Variants in PREX1 observed in about 807,000 individuals in gnomAD.
The protein encoded by PREX1 is phosphatidylinositol-3,4,5-trisphosphate dependent Rac exchange factor 1, also known as phosphatidylinositol 3,4,5-trisphosphate-dependent Rac exchanger 1 protein.
PREX1 carries 41 observed loss-of-function variants against 198.3 expected under a neutral mutation model. The ratio of observed to expected loss-of-function variants is 0.21; its 90% CI spans 0.16 to 0.27. PREX1 has a LOEUF of 0.27. Ranked by LOEUF, PREX1 falls within the 10% of genes least tolerant of loss-of-function variation. The pLI is 1.00. For missense variants in PREX1, 1,620 were observed against 2,200.7 expected (o/e 0.74, Z 5.28); for synonymous variants, 843 against 887.2 (o/e 0.95, Z 0.89).
intron 1 of PREX1, among the ~76,000 whole-genome samples, chr20:48,813,683 GA>G (rs1397013721): frequency 1.3e-5 from 2 of 152,188 alleles, no homozygotes; most frequent in African/African-American, 4.8e-5. Context: ...AGGAAAGGGA[GA>G]GGGGGAGCGA....
At chr20:48,760,356 C>T (rs1339908493) in intron 1 of PREX1, among the ~76,000 whole-genome samples, 4 of 151,954 alleles carry the variant, frequency 2.6e-5, no homozygotes, top group Non-Finnish European at 4.4e-5. Context: ...TTATAGACTG[C>T]CTGCTTCCGA....
the PREX1 span, among the ~76,000 whole-genome samples, chr20:48,864,481 C>T: frequency 9.2e-5 from 14 of 152,178 alleles, no homozygotes; most frequent in Admixed American, 2.0e-4. Context: ...TACTTTATGA[C>T]ATTTGGTCTT....
At chr20:48,631,045 C>T (rs1294218573) in intron 35 of PREX1, among the ~76,000 whole-genome samples, 1 of 152,186 alleles carries the variant, frequency 6.6e-6, no homozygotes, top group East Asian at 1.9e-4. Context: ...CAGCAGCCCC[C>T]AGCCCTCTGC....
chr20:48,643,546 C>T (rs1601037913), intron 27 of PREX1, among the ~76,000 whole-genome samples: 1 of 152,168 alleles, frequency 6.6e-6, no homozygotes, highest in African/African-American at 2.4e-5. Context: ...GTCTATCCAT[C>T]CATCCACCCA....
At chr20:48,829,243 A>G (rs2090529165), upstream of PREX1, among the ~76,000 whole-genome samples, 1 of 152,178 alleles carries the variant, frequency 6.6e-6, no homozygotes, top group Admixed American at 6.5e-5. Context: ...CCCACTCTCA[A>G]ATGGCCCATA....
intron 32 of PREX1, among the ~76,000 whole-genome samples, chr20:48,635,959 C>T (rs1341231206): frequency 6.6e-6 from 1 of 152,208 alleles, no homozygotes; most frequent in African/African-American, 2.4e-5. Flanking sequence ...TCTTGTGCAG[C>T]AGCAGCCAGC....
upstream of PREX1, among the ~76,000 whole-genome samples, chr20:48,832,682 A>T (rs1461676279): frequency 6.6e-6 from 1 of 152,130 alleles, no homozygotes; most frequent in Non-Finnish European, 1.5e-5. Context: ...TTCCCACCAA[A>T]ATATAATCGT....
At chr20:48,690,920 G>A (rs1408952439) in intron 9 of PREX1, 27 bp downstream of exon 9, 1 of 1,612,610 alleles carries the variant, frequency 6.2e-7, no homozygotes, top group African/African-American at 1.3e-5. Context: ...AGGGATCCCA[G>A]GCGAGCACCC....
chr20:48,798,826 C>T (rs1397395803), intron 1 of PREX1, among the ~76,000 whole-genome samples: 2 of 152,214 alleles, frequency 1.3e-5, no homozygotes, highest in African/African-American at 2.4e-5. Context: ...ATCTGACCCT[C>T]CTGCTGGGAT....
chr20:48,840,578 G>T, the PREX1 span, among the ~76,000 whole-genome samples: 6 of 152,170 alleles, frequency 3.9e-5, no homozygotes, highest in South Asian at 1.2e-3. Flanking sequence ...CAGGTGTGTG[G>T]GGCAGTGACA....
chr20:48,887,586 C>T, the PREX1 span, among the ~76,000 whole-genome samples: 3 of 152,124 alleles, frequency 2.0e-5, no homozygotes, highest in African/African-American at 7.2e-5. Context: ...CACCACTGCA[C>T]TCCAGCCTGG....
rs762369238 is a variant in PREX1, at chr20:48,644,406, C to T, written c.3601+3G>A. 1.2e-6 allele frequency: 2 copies of T among 1,612,866 alleles called. No homozygotes were observed. The highest frequency in any genetic ancestry group is 1.7e-5 in the Admixed American group (1 of 59,980). ...GAGCACAGGCCGCTGCCACTCCACT[C>T]ACCAGACCCCATCTCGTCGCTGCCC... On this transcript the variant is annotated splice_donor_region_variant and intron_variant, in intron 27 of 39. Transcript: ENST00000371941.
At chr20:48,883,277 T>TA in the PREX1 span, among the ~76,000 whole-genome samples, 1 of 152,058 alleles carries the variant, frequency 6.6e-6, no homozygotes, top group South Asian at 2.1e-4. Flanking sequence ...AAGGGCATTG[T>TA]AAAAAATCCC....
chr20:48,773,840 G>C (rs2090248588), intron 1 of PREX1, among the ~76,000 whole-genome samples: 1 of 152,172 alleles, frequency 6.6e-6, no homozygotes, highest in African/African-American at 2.4e-5. Context: ...AGTTCTTAAG[G>C]GGCCATCTGG....
At position 48,632,408 on chromosome 20, in the gene PREX1, C is replaced by T. The variant is rs770367299; in HGVS notation, c.4412-17G>A. ...TCTCCAGCACTGGGAGGGGAGATGTCGGGGGCGGGCAGGCGGTTGGGAGCC... is the reference window on the plus strand; with the variant it reads ...TCTCCAGCACTGGGAGGGGAGATGTTGGGGGCGGGCAGGCGGTTGGGAGCC... On this transcript the variant is annotated splice_polypyrimidine_tract_variant and intron_variant, in intron 34 of 39. Coordinates refer to ENST00000371941, the MANE Select transcript of PREX1 (RefSeq NM_020820.4). 1.9e-5 allele frequency: 30 copies of T among 1,613,150 alleles called. No individual in the cohort carries two copies. The South Asian group carries it at 2.6e-4, about 14-fold the overall frequency.
chr20:48,779,497 C>T (rs1284461865), intron 1 of PREX1, among the ~76,000 whole-genome samples: 3 of 152,172 alleles, frequency 2.0e-5, no homozygotes, highest in Non-Finnish European at 4.4e-5. Flanking sequence ...CAACCCTGCT[C>T]CTGGATGTTT....
At chr20:48,672,627 C>T (rs73326958) in intron 14 of PREX1, among the ~76,000 whole-genome samples, 3,479 of 152,344 alleles carry the variant, frequency 0.023, 128 homozygotes, top group East Asian at 0.072. Flanking sequence ...GCCACCCTGG[C>T]CCCCTCTCTG....
At chr20:48,836,713 G>A in the PREX1 span, among the ~76,000 whole-genome samples, 2 of 151,958 alleles carry the variant, frequency 1.3e-5, no homozygotes, top group Admixed American at 6.6e-5. Context: ...TCAGGAGTTC[G>A]AGACCAACCT....
At chr20:48,804,497 C>T (rs1470502451) in intron 1 of PREX1, among the ~76,000 whole-genome samples, 1 of 152,192 alleles carries the variant, frequency 6.6e-6, no homozygotes, top group Non-Finnish European at 1.5e-5. Flanking sequence ...TGCAAAGGCC[C>T]TGAGGCAGGA....
Sources: gnomAD v4.1 joint callset for allele counts (sites outside exome capture counted in the v4.1 genomes callset) on GRCh38, gnomAD v4.1.1 for gene constraint, MANE v1.5 for transcripts, NCBI Gene and HGNC (gene_info 2026-07-23, HGNC 2026-07-21) for gene names.